Variants in CCPG1 observed in about 807,000 individuals in gnomAD.
CCPG1 encodes the protein cell cycle progression protein 1.
In CCPG1, 46 loss-of-function variants were observed where a neutral mutation model predicts 81.3. The ratio of observed to expected loss-of-function variants is 0.57; its 90% CI spans 0.45 to 0.72. CCPG1 has a LOEUF of 0.72. CCPG1 is among the 30% of genes least tolerant of loss of function. The probability of loss-of-function intolerance (pLI) is 0.00; values close to 1 mark genes in which losing one functional copy is unlikely to be tolerated. For missense variants in CCPG1, 902 were observed against 937.6 expected, an observed-to-expected ratio of 0.96 and a Z score of 0.50; for synonymous variants, 330 against 305.2, an observed-to-expected ratio of 1.08 and a Z score of -0.85.
At chr15:55,385,837 G>C (rs1165585721) in intron 2 of CCPG1, 123 bp from the exon 3 acceptor site, 1 of 656,988 alleles carries the variant, frequency 1.5e-6, no homozygotes, top group Non-Finnish European at 2.7e-6. Context: ...CAAAGGAACA[G>C]TATCTAATTA....
At chr15:55,373,373 G>C (rs1412565678) in intron 5 of CCPG1, among the ~76,000 whole-genome samples, 1 of 152,178 alleles carries the variant, frequency 6.6e-6, no homozygotes, top group Non-Finnish European at 1.5e-5. Flanking sequence ...CAGTTCTTCA[G>C]AAGACAGGAT....
rs1309880006 is a variant in CCPG1, at chr15:55,355,477, G to T, written c.*743C>A. 14 of 1,514,590 alleles carry T rather than the reference G, an allele frequency of 9.2e-6. No homozygotes were observed. Among genetic ancestry groups the T allele is most frequent in the Non-Finnish European group, 1.2e-5 (13 of 1,103,336 alleles). The allele number at this position is 1,514,590 out of a possible 1,614,324, so 93.8% of individuals were successfully genotyped here. On this transcript the variant is annotated 3_prime_UTR_variant, in exon 9 of 9. Coordinates refer to ENST00000442196, the MANE Select transcript of CCPG1 (RefSeq NM_001204450.2). ...CATTGCTGGGTGGAAATATTCAGAT[G>T]CTGCTTAAATACTTCGGTAAACACT...
Position 55,356,214 on chromosome 15 carries a change from T to G in CCPG1, c.*6A>C. ...TTACAGTTGTCTAATTTAACTCAAT[T>G]GTGAATCAGTATTGAGGATCAAAAG... is the stretch of plus-strand genomic sequence containing the variant. On this transcript the variant is annotated 3_prime_UTR_variant, in exon 9 of 9. Coordinates refer to ENST00000442196, the MANE Select transcript of CCPG1 (RefSeq NM_001204450.2). The G allele has an allele frequency of 6.6e-7, 1 of 1,524,274 alleles. No homozygotes were observed. Among genetic ancestry groups the G allele is most frequent in the African/African-American group, 1.4e-5 (1 of 72,624 alleles). The allele number at this position is 1,524,274 out of a possible 1,614,324, so 94.4% of individuals were successfully genotyped here. A position where few individuals can be genotyped will look rare whatever the true frequency, so the allele number is the denominator to read the frequency against.
At chr15:55,390,069 G>A (rs1213500899) in intron 1 of CCPG1, among the ~76,000 whole-genome samples, 2 of 152,078 alleles carry the variant, frequency 1.3e-5, no homozygotes, top group Non-Finnish European at 2.9e-5. Context: ...GACTACAGGC[G>A]CGTGCCACCA....
chr15:55,407,547 A>C (rs1425444799), intron 1 of CCPG1, among the ~76,000 whole-genome samples: 1 of 152,216 alleles, frequency 6.6e-6, no homozygotes, highest in Non-Finnish European at 1.5e-5. Context: ...TTCACCACTC[A>C]ATAAAATACC....
intron 3 of CCPG1, among the ~76,000 whole-genome samples, chr15:55,382,213 C>G (rs1441811594): frequency 6.6e-6 from 1 of 151,946 alleles, no homozygotes; most frequent in Non-Finnish European, 1.5e-5. Context: ...GATTGACTCT[C>G]CTTTCATGAA....
rs183277978 is a variant in CCPG1 at position 55,367,959 on chromosome 15, C to T, written c.707-2650G>A. Among the ~76,000 whole-genome samples the T allele has an allele frequency of 3.1e-3, 472 of 152,182 alleles. 8 individuals are homozygous for T. The highest frequency in any genetic ancestry group is 8.7e-4 in the Non-Finnish European group (59 of 68,014). On this transcript the variant is annotated intron_variant, in intron 6 of 8. Coordinates refer to ENST00000442196, the MANE Select transcript of CCPG1 (RefSeq NM_001204450.2). ...CCTTTTCCACACCAGCAAAAAGTTC[C>T]GGCACTTTTTTCTCTAACCTGATAG...
At position 55,396,335 on chromosome 15, in the gene CCPG1, AAAG is replaced by A. The variant is rs201242803; in HGVS notation, c.-9-6905_-9-6903del. ...AGGCTAAGAAATCATACGGTTATAA[AAAG>A]AAGAATACTTTGTGAAGACAATAAA... is the stretch of plus-strand genomic sequence containing the variant. On this transcript the variant is annotated intron_variant, in intron 1 of 8. Transcript: ENST00000442196. Among the ~76,000 whole-genome samples, 935 of 152,306 alleles carry A rather than the reference AAAG, an allele frequency of 6.1e-3. 17 individuals are homozygous for A. Among genetic ancestry groups the A allele is most frequent in the African/African-American group, 0.021 (889 of 41,556 alleles).
chr15:55,374,930 G>T (rs1342112945), intron 5 of CCPG1, among the ~76,000 whole-genome samples: 1 of 152,218 alleles, frequency 6.6e-6, no homozygotes, highest in African/African-American at 2.4e-5. Flanking sequence ...CTCCCAAAGT[G>T]CAGGGATTAC....
intron 1 of CCPG1, among the ~76,000 whole-genome samples, chr15:55,397,720 T>C (rs1240600085): frequency 6.6e-6 from 1 of 152,168 alleles, no homozygotes; most frequent in African/African-American, 2.4e-5. Context: ...CTCACACCTG[T>C]AATCCCAGCA....
intron 2 of CCPG1, 106 bp from the exon 3 acceptor site, chr15:55,385,820 C>T: frequency 1.4e-6 from 1 of 700,734 alleles, no homozygotes; most frequent in Non-Finnish European, 2.6e-6. Flanking sequence ...CAGATGCTGC[C>T]ATACTCCAAA....
rs989273180 is a variant in CCPG1, at chr15:55,387,880, G to A, written c.60+1485C>T. ...ATTAAAAAAACAAGTGGCCGGGCAC[G>A]GTGGCTCACGCCTGTAATCCCAGTA... is the stretch of plus-strand genomic sequence containing the variant. On this transcript the variant is annotated intron_variant, in intron 2 of 8. Transcript: ENST00000442196. Among the ~76,000 whole-genome samples the A allele has an allele frequency of 1.1e-4, 16 of 145,614 alleles. No homozygotes were observed. The South Asian group carries it at 2.7e-3, about 24-fold the overall frequency.
At chr15:55,373,571 T>TTA (rs1328689965) in intron 5 of CCPG1, among the ~76,000 whole-genome samples, 2 of 152,206 alleles carry the variant, frequency 1.3e-5, no homozygotes, top group Non-Finnish European at 2.9e-5. Context: ...GTCATGACCC[T>TTA]TATGCCCATC....
intron 2 of CCPG1, among the ~76,000 whole-genome samples, chr15:55,387,453 G>A (rs1457842210): frequency 6.6e-6 from 1 of 152,152 alleles, no homozygotes; most frequent in Non-Finnish European, 1.5e-5. Context: ...AAATTTTAAT[G>A]CAGAAAAGGC....
intron 5 of CCPG1, among the ~76,000 whole-genome samples, chr15:55,375,270 CAG>C (rs147348500): frequency 0.05 from 7,620 of 152,218 alleles, 259 homozygotes; most frequent in East Asian, 0.15. Context: ...CGCCCAGCAA[CAG>C]TATGTAGTTC....
chr15:55,396,010 C>T (rs1025089032), intron 1 of CCPG1, among the ~76,000 whole-genome samples: 3 of 151,990 alleles, frequency 2.0e-5, no homozygotes, highest in African/African-American at 4.8e-5. Flanking sequence ...AAAAATTAGT[C>T]GGGCATGCTG....
At chr15:55,397,404 C>T (rs1014403586) in intron 1 of CCPG1, among the ~76,000 whole-genome samples, 1 of 149,666 alleles carries the variant, frequency 6.7e-6, no homozygotes, top group Non-Finnish European at 1.5e-5. Flanking sequence ...CCTACTGGGA[C>T]AGCATTGTGG....
chr15:55,397,431 G>T (rs11637024), intron 1 of CCPG1, among the ~76,000 whole-genome samples: 72,597 of 143,394 alleles, frequency 0.51, 18,074 homozygotes, highest in East Asian at 0.74. Context: ...AAAGGCAGAA[G>T]CAAGAAGTTC....
At chr15:55,406,515 G>C (rs560445898) in intron 1 of CCPG1, among the ~76,000 whole-genome samples, 31 of 143,920 alleles carry the variant, frequency 2.2e-4, no homozygotes, top group African/African-American at 8.0e-4. Flanking sequence ...GCGGTGGCCA[G>C]ATCTTGTGGC....
Sources: gnomAD v4.1 joint callset for allele counts (sites outside exome capture counted in the v4.1 genomes callset) on GRCh38, gnomAD v4.1.1 for gene constraint, MANE v1.5 for transcripts, NCBI Gene and HGNC (gene_info 2026-07-23, HGNC 2026-07-21) for gene names.